UGT1A10: variants seen among roughly 807,000 people sequenced by gnomAD.
UGT1A10 encodes UDP-glucuronosyltransferase 1A10.
In UGT1A10, 49 loss-of-function variants were observed where a neutral mutation model predicts 45.8. The observed-to-expected ratio is 1.07, with a 90% CI of 0.85 to 1.36. UGT1A10 has a LOEUF of 1.36. Ranked by LOEUF, UGT1A10 falls within the 40% of genes most tolerant of loss-of-function variation. The pLI, the probability that UGT1A10 is intolerant of heterozygous loss-of-function variation, is 0.00. For missense variants in UGT1A10, 745 were observed against 668.6 expected (o/e 1.11, Z -1.26); for synonymous variants, 284 against 249.7 (o/e 1.14, Z -1.29).
At position 233,637,066 on chromosome 2, in the gene UGT1A10, C is replaced by G. The variant is rs1411797560; in HGVS notation, c.544C>G (p.Gln182Glu). The G allele has an allele frequency of 6.2e-7, 1 of 1,613,928 alleles. No individual in the cohort carries two copies. Among genetic ancestry groups the G allele is most frequent in the South Asian group, 1.1e-5 (1 of 91,068 alleles). The change falls in exon 1 of 5, where the codon CAG becomes GAG. Residue 182 changes from glutamine (Q) to glutamate (E), a missense_variant. Coordinates refer to ENST00000344644, the MANE Select transcript of UGT1A10 (RefSeq NM_019075.4). ...TTGCCACCATCTTGAAGAAGGTGCA[C>G]AGTGCCCTGCTCCTCTTTCCTATGT... ...IFCHHLEEGA[Q>E]CPAPLSYVPN...
intron 1 of UGT1A10, among the ~76,000 whole-genome samples, chr2:233,724,884 G>A (rs1223856006): frequency 8.2e-5 from 11 of 134,350 alleles, no homozygotes; most frequent in Admixed American, 1.5e-4. Context: ...CGGAGATCAC[G>A]CCACTGCACT....
chr2:233,671,936 T>C lies in UGT1A10; in HGVS notation c.855+34559T>C, dbSNP rs766754822. On this transcript the variant is annotated intron_variant, in intron 1 of 4. Coordinates refer to ENST00000344644, the MANE Select transcript of UGT1A10 (RefSeq NM_019075.4). ...CTTGCTCTCAGCTGCAGTTCTCTGATGGCTTGCACAGGGTGGACCAGCCCC... is the reference window on the plus strand; with the variant it reads ...CTTGCTCTCAGCTGCAGTTCTCTGACGGCTTGCACAGGGTGGACCAGCCCC... 12 of 1,605,090 alleles carry C rather than the reference T, an allele frequency of 7.5e-6. No individual in the cohort carries two copies. In the South Asian group the frequency reaches 1.1e-4, roughly 15 times the overall value.
At chr2:233,694,057 G>A (rs1437140382) in intron 1 of UGT1A10, among the ~76,000 whole-genome samples, 2 of 152,344 alleles carry the variant, frequency 1.3e-5, no homozygotes, top group East Asian at 3.9e-4. Context: ...GCATTCGGAT[G>A]AAGACAGGGC....
intron 1 of UGT1A10, among the ~76,000 whole-genome samples, chr2:233,696,419 C>T (rs1480641508): frequency 6.6e-6 from 1 of 152,042 alleles, no homozygotes; most frequent in African/African-American, 2.4e-5. Flanking sequence ...ATTTCCTTTT[C>T]AGTTTTTTCT....
intron 1 of UGT1A10, among the ~76,000 whole-genome samples, chr2:233,766,449 C>T (rs1213957356): frequency 6.6e-6 from 1 of 152,156 alleles, no homozygotes; most frequent in Non-Finnish European, 1.5e-5. Flanking sequence ...TGTCTGCCTG[C>T]TAGGGTCTTG....
At chr2:233,668,456 T>C (rs780610260) in intron 1 of UGT1A10, among the ~76,000 whole-genome samples, 39 of 152,366 alleles carry the variant, frequency 2.6e-4, no homozygotes, top group Non-Finnish European at 5.1e-4. Flanking sequence ...AGTCTACCAC[T>C]GATGGACATT....
intron 1 of UGT1A10, among the ~76,000 whole-genome samples, chr2:233,712,367 C>CT (rs998199690): frequency 1.4e-4 from 22 of 152,290 alleles, no homozygotes; most frequent in African/African-American, 4.1e-4. Flanking sequence ...CTCCCTGCAG[C>CT]TTTTTTTATA....
At chr2:233,716,982 C>T (rs1450742007) in intron 1 of UGT1A10, among the ~76,000 whole-genome samples, 2 of 152,212 alleles carry the variant, frequency 1.3e-5, no homozygotes. Context: ...TCCCCACAGT[C>T]CTGCTGTCCT....
chr2:233,747,877 A>G, intron 1 of UGT1A10: 2 of 1,613,450 alleles, frequency 1.2e-6, no homozygotes, highest in Non-Finnish European at 1.7e-6. Context: ...GCCCTGTCCT[A>G]CCTTTGCCAT....
intron 1 of UGT1A10, among the ~76,000 whole-genome samples, chr2:233,757,672 G>A (rs1236186994): frequency 2.0e-5 from 3 of 151,168 alleles, no homozygotes; most frequent in Admixed American, 2.0e-4. Context: ...GGAAATTCAA[G>A]GAATTCAAGG....
intron 1 of UGT1A10, chr2:233,690,796 CACA>C (rs565926671): frequency 2.6e-6 from 3 of 1,135,126 alleles, no homozygotes; most frequent in South Asian, 2.0e-5. Context: ...CACACACACA[CACA>C]CCATTCTTAG....
chr2:233,656,255 C>T (rs2073850286), intron 1 of UGT1A10, among the ~76,000 whole-genome samples: 1 of 152,202 alleles, frequency 6.6e-6, no homozygotes, highest in African/African-American at 2.4e-5. Flanking sequence ...CCCTATACAT[C>T]AAAAGGTCTC....
chr2:233,672,690 G>T (rs17863776), intron 1 of UGT1A10: 52 of 1,613,782 alleles, frequency 3.2e-5, no homozygotes, highest in Non-Finnish European at 4.4e-5. Flanking sequence ...CAATTTGGTT[G>T]TTGCGAACGG....
intron 1 of UGT1A10, among the ~76,000 whole-genome samples, chr2:233,686,584 C>G (rs371449627): frequency 6.6e-6 from 1 of 152,056 alleles, no homozygotes; most frequent in African/African-American, 2.4e-5. Flanking sequence ...GTGTGGATTA[C>G]TGCTGCTTTC....
intron 1 of UGT1A10, among the ~76,000 whole-genome samples, chr2:233,759,570 T>G (rs2125974184): frequency 6.6e-6 from 1 of 152,070 alleles, no homozygotes; most frequent in African/African-American, 2.4e-5. Flanking sequence ...TTCTGGTCAT[T>G]CTCTACCCCA....
chr2:233,772,831 T>A lies in UGT1A10; in HGVS notation c.*272T>A. ...AGAGGACGTGCAGACAGGCTGGCATTCTAGATTACTTTTCTTACTCTGAAA... is the reference window on the plus strand; with the variant it reads ...AGAGGACGTGCAGACAGGCTGGCATACTAGATTACTTTTCTTACTCTGAAA... On this transcript the variant is annotated 3_prime_UTR_variant, in exon 5 of 5. Coordinates refer to ENST00000344644, the MANE Select transcript of UGT1A10 (RefSeq NM_019075.4). 1 of 893,950 alleles carries A rather than the reference T, an allele frequency of 1.1e-6. No individual in the cohort carries two copies. The highest frequency in any genetic ancestry group is 1.6e-6 in the Non-Finnish European group (1 of 642,656). The allele number at this position is 893,950 out of a possible 1,614,324, so 55.4% of individuals were successfully genotyped here. A position where few individuals can be genotyped will look rare whatever the true frequency, so the allele number is the denominator to read the frequency against.
intron 1 of UGT1A10, among the ~76,000 whole-genome samples, chr2:233,665,374 G>T (rs940252010): frequency 6.6e-6 from 1 of 152,072 alleles, no homozygotes; most frequent in Non-Finnish European, 1.5e-5. Flanking sequence ...CATATTCGTA[G>T]CCTCTGATGA....
chr2:233,637,385 A>G lies in UGT1A10; in HGVS notation c.855+8A>G. The stretch of plus-strand genomic sequence containing the variant: ...GGAAAGCCATTGCCTATGGTAAGTC[A>G]CCTCTCCTTTAGCACATTAAGAATA... On this transcript the variant is annotated splice_region_variant and intron_variant, in intron 1 of 4. Coordinates refer to ENST00000344644, the MANE Select transcript of UGT1A10 (RefSeq NM_019075.4). 25 of 1,609,870 alleles carry G rather than the reference A, an allele frequency of 1.6e-5. No individual in the cohort carries two copies. The highest frequency in any genetic ancestry group is 2.1e-5 in the Non-Finnish European group (25 of 1,177,168).
intron 1 of UGT1A10, among the ~76,000 whole-genome samples, chr2:233,759,599 A>ACCCCCCCCCCCCCCCCCC (rs1553620419): frequency 9.2e-6 from 1 of 108,664 alleles, no homozygotes; most frequent in African/African-American, 3.3e-5. Flanking sequence ...CCCACCCCCG[A>ACCCCCCCCCCCCCCCCCC]CCCGCCCCAC....
Sources: allele counts gnomAD v4.1 joint callset (sites outside exome capture counted in the v4.1 genomes callset), GRCh38; gene constraint gnomAD v4.1.1; transcripts MANE v1.5; gene names NCBI Gene and HGNC (gene_info 2026-07-23, HGNC 2026-07-21).